Variants in MAP4 observed in about 807,000 individuals in gnomAD.
MAP4 encodes microtubule associated protein 4, also known as microtubule-associated protein 4.
A neutral mutation model predicts 170.2 loss-of-function variants in MAP4; 76 were observed. The observed-to-expected ratio is 0.45, with a 90% CI of 0.37 to 0.54. MAP4 has a LOEUF of 0.54. Ranked by LOEUF, MAP4 falls within the 20% of genes least tolerant of loss-of-function variation. MAP4 has a pLI of 0.00. For synonymous variants in MAP4, 909 were observed against 994.5 expected (o/e 0.91, Z 1.62); for missense variants, 2,506 against 2,748.0 (o/e 0.91, Z 1.97).
upstream of MAP4, among the ~76,000 whole-genome samples, chr3:48,020,901 C>T (rs1456510143): frequency 6.6e-6 from 1 of 151,870 alleles, no homozygotes; most frequent in South Asian, 2.1e-4. Flanking sequence ...TGGGCTCAAG[C>T]GATCCTCCAG....
At chr3:48,022,453 T>C (rs1026598883) in intron 1 of MAP4, among the ~76,000 whole-genome samples, 2 of 152,204 alleles carry the variant, frequency 1.3e-5, no homozygotes, top group African/African-American at 4.8e-5. Flanking sequence ...GATGGGCTTA[T>C]TTCTAATTGT....
At chr3:47,984,447 G>A (rs1352907954) in intron 2 of MAP4, among the ~76,000 whole-genome samples, 2 of 152,202 alleles carry the variant, frequency 1.3e-5, no homozygotes, top group Non-Finnish European at 2.9e-5. Flanking sequence ...AAAATAGTAG[G>A]TGAAAGTTGG....
chr3:47,916,584 C>A lies in MAP4; in HGVS notation c.1243G>T (p.Glu415Ter). 6.2e-7 allele frequency: 1 copy of A among 1,614,226 alleles called. No individual in the cohort carries two copies. Among genetic ancestry groups the A allele is most frequent in the Non-Finnish European group, 8.5e-7 (1 of 1,180,038 alleles). Residue 415 changes from glutamate to a stop codon, truncating the protein, a stop_gained, in exon 7 of 21, where the codon GAA becomes TAA. Coordinates refer to ENST00000683076, the MANE Select transcript of MAP4 (RefSeq NM_001385682.1). LOFTEE classifies it high-confidence loss of function. ...VPAKDLVLLS[E>*]IEVAQANDII... ...TCATTAGCCTGTGCCACCTCTATTT[C>A]TGAGAGTAATACCAAATCCTTGGCT...
At position 47,909,504 on chromosome 3, in the gene MAP4, T is replaced by G; in HGVS notation, c.4917A>C (p.Gln1639His). ...KAQKLSFCED[Q>H]NAQDRNSKGS... ...CTTTGGAATTTCTATCTTGAGCATT[T>G]TGGTCCTCACAAAAACTGAGCTTTT... Residue 1639 changes from glutamine to histidine, a missense_variant, in exon 9 of 21, where the codon CAA becomes CAC. Gln to His is a conservative substitution (Grantham distance 24). This residue lies in a region of MAP4 where 2,008 missense variants were observed against 2,206.0 expected (regional missense o/e 0.91). Coordinates refer to ENST00000683076, the MANE Select transcript of MAP4 (RefSeq NM_001385682.1). 1 of 1,613,588 alleles carries G rather than the reference T, an allele frequency of 6.2e-7. No homozygotes were observed. The highest frequency in any genetic ancestry group is 1.1e-5 in the South Asian group (1 of 91,082).
At chr3:47,947,337 C>T (rs895320090) in intron 3 of MAP4, among the ~76,000 whole-genome samples, 6 of 152,142 alleles carry the variant, frequency 3.9e-5, no homozygotes, top group Non-Finnish European at 7.4e-5. Flanking sequence ...GGACTTGTGG[C>T]CCAATCTCCT....
At chr3:48,035,063 A>G (rs1425627302) in intron 1 of MAP4, among the ~76,000 whole-genome samples, 3 of 152,152 alleles carry the variant, frequency 2.0e-5, no homozygotes, top group African/African-American at 7.2e-5. Flanking sequence ...GTGTCTGACT[A>G]CAAGTGAACA....
intron 3 of MAP4, among the ~76,000 whole-genome samples, chr3:47,950,788 A>C (rs1478463857): frequency 6.6e-6 from 1 of 152,140 alleles, no homozygotes; most frequent in African/African-American, 2.4e-5. Flanking sequence ...TAGGGGTAGC[A>C]GGGGTGAATT....
chr3:47,967,023 G>A (rs999607104), intron 3 of MAP4, among the ~76,000 whole-genome samples: 1 of 152,140 alleles, frequency 6.6e-6, no homozygotes, highest in Non-Finnish European at 1.5e-5. Context: ...AGATTTTGAG[G>A]AAAAAATATC....
intron 3 of MAP4, among the ~76,000 whole-genome samples, chr3:47,963,518 GAC>G (rs2100072941): frequency 6.6e-6 from 1 of 152,308 alleles, no homozygotes; most frequent in African/African-American, 2.4e-5. Context: ...ACAAATTCAT[GAC>G]AGATAACATA....
At chr3:47,977,822 A>G in intron 3 of MAP4, 43 bp downstream of exon 3, 1 of 1,282,084 alleles carries the variant, frequency 7.8e-7, no homozygotes, top group Non-Finnish European at 1.1e-6. Context: ...GTTCATTGTA[A>G]GTGCATCACC....
intron 1 of MAP4, among the ~76,000 whole-genome samples, chr3:48,066,839 TTTTTTTTTTTTTTTTTTTTG>T (rs2100138503): frequency 1.7e-5 from 2 of 115,054 alleles, no homozygotes; most frequent in African/African-American, 6.8e-5. Context: ...TTTTTTTTTT[TTTTTTTTTTTTTTTTTTTTG>T]AGACGGAGTC....
chr3:48,072,729 T>A (rs2100141633), intron 1 of MAP4, among the ~76,000 whole-genome samples: 1 of 152,070 alleles, frequency 6.6e-6, no homozygotes, highest in East Asian at 1.9e-4. Flanking sequence ...AGGAAGCATT[T>A]TATAATAGGT....
At position 47,877,405 on chromosome 3, in the gene MAP4, T is replaced by A. The variant is rs375292649; in HGVS notation, c.5541+12A>T. On this transcript the variant is annotated intron_variant, in intron 11 of 20. Coordinates refer to ENST00000683076, the MANE Select transcript of MAP4 (RefSeq NM_001385682.1). ...TATGGCAGTAGAAGATAACCACCAT[T>A]CTGGCACCTACCTTTGTTTTCTTCT... 49 of 1,601,536 alleles carry A rather than the reference T, an allele frequency of 3.1e-5. No individual in the cohort carries two copies. The highest frequency in any genetic ancestry group is 4.1e-5 in the Non-Finnish European group (48 of 1,168,762).
intron 1 of MAP4, among the ~76,000 whole-genome samples, chr3:48,013,689 A>G (rs931690197): frequency 6.7e-6 from 1 of 148,200 alleles, no homozygotes; most frequent in Admixed American, 6.9e-5. Flanking sequence ...ATTCTCATTT[A>G]TAATTGGGTT....
In MAP4 at chr3:47,909,889, G is replaced by A. The variant is rs766756872; in HGVS notation, c.4532C>T (p.Pro1511Leu). The A allele has an allele frequency of 6.2e-7, 1 of 1,613,980 alleles. No homozygotes were observed. The highest frequency in any genetic ancestry group is 1.7e-5 in the Admixed American group (1 of 60,014). The stretch of plus-strand genomic sequence containing the variant: ...AACTGTTTCTATGGCTGTTGTAATA[G>A]GTAGAGCAACTCCTCCTGTGCTTGT... ...PSTSTGGVAL[P>L]ITTAIETVNI... Residue 1511 changes from proline (P) to leucine (L), a missense_variant, in exon 9 of 21, where the codon CCT becomes CTT. This residue lies in a region of MAP4 where 2,008 missense variants were observed against 2,206.0 expected (regional missense o/e 0.91). Transcript: ENST00000683076.
chr3:47,916,726 G>A lies in MAP4; in HGVS notation c.1101C>T (p.Ser367=). Residue 367 remains serine (S), a synonymous_variant, in exon 7 of 21, where the codon TCC becomes TCT. Transcript: ENST00000683076. The stretch of plus-strand genomic sequence containing the variant: ...TTTCTTTGGGTGGTCCCATGTCCTT[G>A]GAAGGGGCTAAGTCCATTTTTATAG... ...ASPIKMDLAP[S]KDMGPPKENK... The A allele has an allele frequency of 6.2e-7, 1 of 1,614,020 alleles. No individual in the cohort carries two copies. Among genetic ancestry groups the A allele is most frequent in the Non-Finnish European group, 8.5e-7 (1 of 1,180,010 alleles).
At chr3:48,004,096 T>G (rs558377452) in intron 1 of MAP4, among the ~76,000 whole-genome samples, 3 of 152,306 alleles carry the variant, frequency 2.0e-5, no homozygotes, top group Non-Finnish European at 4.4e-5. Context: ...TATATCCTAT[T>G]AGTTCTGTTC....
intron 1 of MAP4, among the ~76,000 whole-genome samples, chr3:48,000,193 C>A (rs1309248765): frequency 1.6e-5 from 2 of 124,666 alleles, no homozygotes; most frequent in Admixed American, 1.0e-4. Flanking sequence ...CCAGCATGGG[C>A]GACAGAGGAA....
In MAP4 at chr3:47,916,708, G is replaced by C; in HGVS notation, c.1119C>G (p.Pro373=). The C allele has an allele frequency of 6.2e-7, 1 of 1,613,928 alleles. No homozygotes were observed. Among genetic ancestry groups the C allele is most frequent in the Non-Finnish European group, 8.5e-7 (1 of 1,179,996 alleles). The change falls in exon 7 of 21, where the codon CCC becomes CCG. Residue 373 remains proline, a synonymous_variant. Transcript: ENST00000683076. Reference sequence around the variant, plus strand: ...TCTCTGTTTCTTTCTTGTTTTCTTTGGGTGGTCCCATGTCCTTGGAAGGGG... The same window carrying C: ...TCTCTGTTTCTTTCTTGTTTTCTTTCGGTGGTCCCATGTCCTTGGAAGGGG... ...DLAPSKDMGP[P]KENKKETERA...
Sources: allele counts gnomAD v4.1 joint callset (sites outside exome capture counted in the v4.1 genomes callset), GRCh38; gene constraint gnomAD v4.1.1; regional missense constraint gnomAD v4.1.1; transcripts MANE v1.5; gene names NCBI Gene and HGNC (gene_info 2026-07-23, HGNC 2026-07-21).